IMMP2L: variants seen among roughly 807,000 people sequenced by gnomAD.
IMMP2L encodes the protein inner mitochondrial membrane peptidase subunit 2, also known as mitochondrial inner membrane protease subunit 2.
A neutral mutation model predicts 19.3 loss-of-function variants in IMMP2L; 18 were observed. That is an observed-to-expected ratio of 0.93 (90% CI 0.64 to 1.38). The LOEUF (loss-of-function observed/expected upper bound fraction) is 1.38, where lower values mean the gene tolerates loss of function less well. IMMP2L is among the 40% of genes most tolerant of loss of function. IMMP2L has a pLI of 0.00. For synonymous variants in IMMP2L, 76 were observed against 73.0 expected, an observed-to-expected ratio of 1.04 and a Z score of -0.21; for missense variants, 233 against 218.2, an observed-to-expected ratio of 1.07 and a Z score of -0.43.
intron 3 of IMMP2L, among the ~76,000 whole-genome samples, chr7:111,346,121 T>A (rs1827515974): frequency 6.6e-6 from 1 of 152,206 alleles, no homozygotes; most frequent in Non-Finnish European, 1.5e-5. Flanking sequence ...ATACACTAAG[T>A]CAACGATAAG....
chr7:110,785,892 C>G (rs1800042789), intron 5 of IMMP2L, among the ~76,000 whole-genome samples: 1 of 151,798 alleles, frequency 6.6e-6, no homozygotes, highest in African/African-American at 2.4e-5. Context: ...TTTTCTCTCT[C>G]TTTCATATTT....
intron 1 of IMMP2L, among the ~76,000 whole-genome samples, chr7:111,548,216 C>CA (rs11378958): frequency 0.82 from 123,001 of 150,686 alleles, 51,310 homozygotes; most frequent in East Asian, 0.97. Flanking sequence ...GTGCTTGCTA[C>CA]AAAAAAAAAG....
intron 3 of IMMP2L, among the ~76,000 whole-genome samples, chr7:111,364,622 G>A (rs1277604822): frequency 4.1e-5 from 6 of 147,668 alleles, no homozygotes; most frequent in Non-Finnish European, 5.9e-5. Flanking sequence ...GCTACAGAGT[G>A]AGACTCGGTC....
intron 3 of IMMP2L, among the ~76,000 whole-genome samples, chr7:111,210,862 G>GA (rs1327913646): frequency 2.0e-5 from 3 of 152,100 alleles, no homozygotes; most frequent in Non-Finnish European, 4.4e-5. Context: ...AATAATACTT[G>GA]AACTTGAAAT....
chr7:111,413,071 C>G (rs1270204989), intron 3 of IMMP2L, among the ~76,000 whole-genome samples: 1 of 148,986 alleles, frequency 6.7e-6, no homozygotes, highest in African/African-American at 2.6e-5. Flanking sequence ...CCAGATACTT[C>G]AGACATCGAA....
chr7:111,375,712 T>C (rs942715463), intron 3 of IMMP2L, among the ~76,000 whole-genome samples: 3 of 151,902 alleles, frequency 2.0e-5, no homozygotes, highest in Admixed American at 6.6e-5. Context: ...CTAGTAGAGA[T>C]GGGGATTCAC....
At chr7:110,882,349 C>CT (rs1809764011) in intron 5 of IMMP2L, among the ~76,000 whole-genome samples, 4 of 143,388 alleles carry the variant, frequency 2.8e-5, no homozygotes, top group East Asian at 2.0e-4. Flanking sequence ...TCCCTCCTTC[C>CT]TCTCTCCCTC....
intron 3 of IMMP2L, among the ~76,000 whole-genome samples, chr7:111,463,196 T>C (rs979836684): frequency 6.6e-6 from 1 of 152,040 alleles, no homozygotes; most frequent in African/African-American, 2.4e-5. Flanking sequence ...TGTGTGTGTG[T>C]GTCCCAATTT....
intron 3 of IMMP2L, among the ~76,000 whole-genome samples, chr7:111,266,896 C>T (rs1562985655): frequency 6.6e-6 from 1 of 152,174 alleles, no homozygotes; most frequent in Non-Finnish European, 1.5e-5. Context: ...TTGAATCAAG[C>T]TCAGCATGAG....
intron 3 of IMMP2L, among the ~76,000 whole-genome samples, chr7:111,182,537 A>C (rs1220891491): frequency 6.6e-6 from 1 of 151,978 alleles, no homozygotes; most frequent in Non-Finnish European, 1.5e-5. Context: ...TTATCAACTG[A>C]AAATGACAAA....
intron 5 of IMMP2L, among the ~76,000 whole-genome samples, chr7:110,824,039 T>C (rs1803254499): frequency 6.6e-6 from 1 of 152,090 alleles, no homozygotes; most frequent in South Asian, 2.1e-4. Flanking sequence ...ACCAACAGTG[T>C]CACTGCATAT....
At chr7:111,550,358 T>G (rs1023569823) in intron 1 of IMMP2L, among the ~76,000 whole-genome samples, 1 of 152,128 alleles carries the variant, frequency 6.6e-6, no homozygotes. Context: ...ATACTCTGTA[T>G]ACTATAAGCA....
intron 2 of IMMP2L, among the ~76,000 whole-genome samples, chr7:111,504,261 C>G (rs1844635206): frequency 6.6e-6 from 1 of 152,122 alleles, no homozygotes; most frequent in Non-Finnish European, 1.5e-5. Flanking sequence ...ATCCAACTTA[C>G]AAGGGATGTG....
intron 1 of IMMP2L, among the ~76,000 whole-genome samples, chr7:111,539,188 GAAGGAGGGAGAAAGAA>G (rs1452029620): frequency 0.011 from 745 of 68,998 alleles, 56 homozygotes; most frequent in African/African-American, 0.021. Context: ...AGGAAGGAAG[GAAGGAGGGAGAAAGAA>G]AGAAAGAAAG....
At chr7:111,405,970 A>C (rs988022236) in intron 3 of IMMP2L, among the ~76,000 whole-genome samples, 2 of 152,092 alleles carry the variant, frequency 1.3e-5, no homozygotes, top group African/African-American at 4.8e-5. Context: ...ACAGAAGAAA[A>C]ATTGCCAATC....
chr7:111,214,331 C>CTTTTTTT (rs1169450523), intron 3 of IMMP2L, among the ~76,000 whole-genome samples: 10 of 82,186 alleles, frequency 1.2e-4, no homozygotes, highest in African/African-American at 1.6e-4. Flanking sequence ...AATTTTTCTT[C>CTTTTTTT]TTTTTTTTTT....
At chr7:111,339,493 G>T (rs1826797468) in intron 3 of IMMP2L, among the ~76,000 whole-genome samples, 1 of 151,822 alleles carries the variant, frequency 6.6e-6, no homozygotes, top group Non-Finnish European at 1.5e-5. Flanking sequence ...GCTCTAGGAA[G>T]AACCAGCTTA....
intron 3 of IMMP2L, among the ~76,000 whole-genome samples, chr7:111,002,148 T>C (rs1386942387): frequency 1.3e-5 from 2 of 152,006 alleles, no homozygotes; most frequent in Admixed American, 6.6e-5. Context: ...GAAGAGACTC[T>C]CTGAGGTACC....
chr7:110,856,184 C>A (rs1429546566), intron 5 of IMMP2L, among the ~76,000 whole-genome samples: 1 of 151,910 alleles, frequency 6.6e-6, no homozygotes, highest in African/African-American at 2.4e-5. Context: ...ATCAAAATTA[C>A]TAAAGACACT....
Sources: gnomAD v4.1 joint callset for allele counts (sites outside exome capture counted in the v4.1 genomes callset) on GRCh38, gnomAD v4.1.1 for gene constraint, MANE v1.5 for transcripts, NCBI Gene and HGNC (gene_info 2026-07-23, HGNC 2026-07-21) for gene names.